BLK: variants seen among roughly 807,000 people sequenced by gnomAD.
BLK encodes tyrosine-protein kinase Blk.
BLK carries 64 observed loss-of-function variants against 61.8 expected under a neutral mutation model. The observed-to-expected ratio is 1.03, with a 90% CI of 0.85 to 1.27. BLK has a LOEUF of 1.27. Among genes scored for constraint, BLK ranks in the 50% most tolerant of loss-of-function variants. The pLI is 0.00. For synonymous variants in BLK, 351 were observed against 272.0 expected (o/e 1.29, Z -2.86); for missense variants, 853 against 660.5 (o/e 1.29, Z -3.19).
At chr8:11,524,768 T>C (rs757886363) in intron 1 of BLK, among the ~76,000 whole-genome samples, 3 of 152,112 alleles carry the variant, frequency 2.0e-5, no homozygotes, top group Non-Finnish European at 2.9e-5. Context: ...ATGACAACGG[T>C]TCATTAAACC....
intron 1 of BLK, among the ~76,000 whole-genome samples, chr8:11,524,687 A>G (rs956811911): frequency 6.6e-6 from 1 of 152,178 alleles, no homozygotes; most frequent in African/African-American, 2.4e-5. Flanking sequence ...AGCAAAGGAC[A>G]TTTTTGCAGC....
chr8:11,508,233 C>T (rs1256229867), intron 1 of BLK, among the ~76,000 whole-genome samples: 4 of 152,336 alleles, frequency 2.6e-5, no homozygotes, highest in South Asian at 2.1e-4. Context: ...AAGCGTGTCA[C>T]GGCGCGAAGG....
intron 10 of BLK, chr8:11,558,633 T>C: frequency 2.2e-6 from 1 of 455,928 alleles, no homozygotes; most frequent in Non-Finnish European, 4.4e-6. Flanking sequence ...GGACTGGTCC[T>C]CAGTGTCCCT....
chr8:11,496,053 C>T (rs1474663244), intron 1 of BLK, among the ~76,000 whole-genome samples: 1 of 152,164 alleles, frequency 6.6e-6, no homozygotes, highest in Admixed American at 6.5e-5. Context: ...GGTGATCACA[C>T]CTTCTCTTTG....
intron 1 of BLK, among the ~76,000 whole-genome samples, chr8:11,535,268 GA>G (rs1299893294): frequency 4.1e-5 from 4 of 98,286 alleles, no homozygotes; most frequent in Non-Finnish European, 4.2e-5. Flanking sequence ...AAAGAAGAAA[GA>G]AAGAAAGAAA....
At chr8:11,515,022 C>G (rs753967909) in intron 1 of BLK, among the ~76,000 whole-genome samples, 78 of 152,158 alleles carry the variant, frequency 5.1e-4, no homozygotes, top group Non-Finnish European at 9.4e-4. Context: ...TCCACATTCC[C>G]CGACAAGCTG....
chr8:11,520,003 C>T (rs1278440174), intron 1 of BLK, among the ~76,000 whole-genome samples: 1 of 152,160 alleles, frequency 6.6e-6, no homozygotes, highest in African/African-American at 2.4e-5. Flanking sequence ...GAGCACACAT[C>T]ATTTTCATGT....
At chr8:11,517,350 A>C (rs181187391) in intron 1 of BLK, among the ~76,000 whole-genome samples, 36 of 152,192 alleles carry the variant, frequency 2.4e-4, no homozygotes, top group Non-Finnish European at 2.1e-4. Flanking sequence ...CAGCGATGGA[A>C]ATTGACCAGG....
intron 1 of BLK, among the ~76,000 whole-genome samples, chr8:11,511,787 A>C (rs946266359): frequency 6.6e-6 from 1 of 152,202 alleles, no homozygotes; most frequent in South Asian, 2.1e-4. Flanking sequence ...ACATGAGATC[A>C]ATGTGCCCTC....
At chr8:11,495,901 T>A (rs1460705630) in intron 1 of BLK, among the ~76,000 whole-genome samples, 4 of 152,210 alleles carry the variant, frequency 2.6e-5, no homozygotes, top group African/African-American at 9.6e-5. Context: ...AATATGGAAA[T>A]TCTCTGTGCT....
intron 1 of BLK, among the ~76,000 whole-genome samples, chr8:11,495,155 C>A (rs62489089): frequency 0.018 from 2,705 of 152,240 alleles, 38 homozygotes; most frequent in Non-Finnish European, 0.027. Flanking sequence ...CAGGAAACAC[C>A]AACTGTGAAA....
chr8:11,502,575 A>G (rs1369954069), intron 1 of BLK, among the ~76,000 whole-genome samples: 2 of 152,210 alleles, frequency 1.3e-5, no homozygotes, highest in Non-Finnish European at 2.9e-5. Context: ...GACATGAGCC[A>G]CCACGCCCGG....
At position 11,525,059 on chromosome 8, in the gene BLK, G is replaced by C. The variant is rs562317337; in HGVS notation, c.-1-18165G>C. Among the ~76,000 whole-genome samples the C allele has an allele frequency of 3.3e-5, 5 of 152,246 alleles. No individual in the cohort carries two copies. In the South Asian group the frequency reaches 1.0e-3, roughly 32 times the overall value. ...TCAAAAGCAAATTGATGGTGTGAAG[G>C]GGAAAGCATATTTAATGTGATTCCT... On this transcript the variant is annotated intron_variant, in intron 1 of 12. Transcript: ENST00000259089.
chr8:11,550,378 T>G, intron 6 of BLK, 116 bp downstream of exon 6: 1 of 979,928 alleles, frequency 1.0e-6, no homozygotes. Flanking sequence ...ACCAGCAGCT[T>G]CCGGGCTTGT....
In BLK at chr8:11,554,896, G is replaced by C. The variant is rs368502838; in HGVS notation, c.619+7G>C. 15 of 1,612,050 alleles carry C rather than the reference G, an allele frequency of 9.3e-6. No homozygotes were observed. Among genetic ancestry groups the C allele is most frequent in the Non-Finnish European group, 1.3e-5 (15 of 1,179,974 alleles). On this transcript the variant is annotated splice_region_variant and intron_variant, in intron 7 of 12. Coordinates refer to ENST00000259089, the MANE Select transcript of BLK (RefSeq NM_001715.3). ...CTGGTGCAGCACTATTCTAGTAAGA[G>C]GGGGCGTGCAATGGGGGCAGGGACT... is the stretch of plus-strand genomic sequence containing the variant.
intron 1 of BLK, among the ~76,000 whole-genome samples, chr8:11,531,292 G>A (rs1213618496): frequency 1.3e-5 from 2 of 152,108 alleles, no homozygotes; most frequent in African/African-American, 4.8e-5. Flanking sequence ...TTTTTAAAGT[G>A]CAGAAGTTCT....
In BLK at chr8:11,564,470, C is replaced by G; in HGVS notation, c.*362C>G. ...CTGGCCGCGTCCCCGCCTCTGCGCCCTGCGTGGACCCCGCCCTGCCCCGCT... is the reference window on the plus strand; with the variant it reads ...CTGGCCGCGTCCCCGCCTCTGCGCCGTGCGTGGACCCCGCCCTGCCCCGCT... On this transcript the variant is annotated 3_prime_UTR_variant, in exon 13 of 13. Transcript: ENST00000259089. The G allele has an allele frequency of 1.9e-6, 1 of 539,034 alleles. No homozygotes were observed. The highest frequency in any genetic ancestry group is 1.5e-5 in the South Asian group (1 of 65,222). The allele number at this position is 539,034 out of a possible 1,614,324, so 33.4% of individuals were successfully genotyped here. A position where few individuals can be genotyped will look rare whatever the true frequency, so the allele number is the denominator to read the frequency against.
chr8:11,505,294 C>G (rs1185039143), intron 1 of BLK, among the ~76,000 whole-genome samples: 1 of 152,188 alleles, frequency 6.6e-6, no homozygotes, highest in African/African-American at 2.4e-5. Flanking sequence ...ATTCTTTCTA[C>G]TGTACAAAGT....
Position 11,535,549 on chromosome 8 carries a change from C to G in BLK, c.-1-7675C>G, listed in dbSNP as rs190158727. ...TATTTTTTTCTAGTGTTCCCAGTTTCTCATCCTTTGCTCTTTCAACTCCCA... is the reference window on the plus strand; with the variant it reads ...TATTTTTTTCTAGTGTTCCCAGTTTGTCATCCTTTGCTCTTTCAACTCCCA... On this transcript the variant is annotated intron_variant, in intron 1 of 12. Transcript: ENST00000259089. Among the ~76,000 whole-genome samples, 46 of 152,346 alleles carry G rather than the reference C, an allele frequency of 3.0e-4. 2 individuals are homozygous for G. The highest frequency in any genetic ancestry group is 2.9e-3 in the Admixed American group (44 of 15,312).
Sources: gnomAD v4.1 joint callset for allele counts (sites outside exome capture counted in the v4.1 genomes callset) on GRCh38, gnomAD v4.1.1 for gene constraint, MANE v1.5 for transcripts, NCBI Gene and HGNC (gene_info 2026-07-23, HGNC 2026-07-21) for gene names.